PSME3IP1: variants seen among roughly 807,000 people sequenced by gnomAD.
PSME3IP1 encodes the protein PSME3-interacting protein.
PSME3IP1 carries 13 observed loss-of-function variants against 34.1 expected under a neutral mutation model. The ratio of observed to expected loss-of-function variants is 0.38; its 90% confidence interval spans 0.25 to 0.61. The LOEUF (loss-of-function observed/expected upper bound fraction) is 0.61. Ranked by LOEUF, PSME3IP1 falls within the 20% of genes least tolerant of loss-of-function variation. The pLI, the probability that PSME3IP1 is intolerant of heterozygous loss-of-function variation, is 0.60. For missense variants in PSME3IP1, 237 were observed against 301.4 expected (o/e 0.79, Z 1.58); for synonymous variants, 93 against 114.3 (o/e 0.81, Z 1.19).
chr16:57,166,691 T>C (rs1020257738), intron 5 of PSME3IP1, among the ~76,000 whole-genome samples: 2 of 152,198 alleles, frequency 1.3e-5, no homozygotes, highest in African/African-American at 4.8e-5. Flanking sequence ...GCCCAAATAA[T>C]GAACTCTAGC....
chr16:57,172,904 G>T, intron 2 of PSME3IP1, 30 bp from the exon 3 acceptor site: 1 of 1,325,276 alleles, frequency 7.5e-7, no homozygotes, highest in Non-Finnish European at 1.1e-6. Context: ...GGAGAGAGGT[G>T]GACGGGGAGG....
chr16:57,171,127 G>A (rs1214292594), intron 4 of PSME3IP1, among the ~76,000 whole-genome samples: 2 of 152,130 alleles, frequency 1.3e-5, no homozygotes, highest in Admixed American at 1.3e-4. Context: ...GCTTAGGGAA[G>A]GTTTCTAAAA....
intron 6 of PSME3IP1, among the ~76,000 whole-genome samples, chr16:57,162,482 T>C (rs1405814752): frequency 2.0e-5 from 3 of 151,678 alleles, no homozygotes; most frequent in South Asian, 2.1e-4. Flanking sequence ...CTGGCCAACA[T>C]GGCGAAATCC....
intron 1 of PSME3IP1, chr16:57,178,539 A>C: frequency 1.0e-6 from 1 of 985,344 alleles, no homozygotes; most frequent in Non-Finnish European, 1.2e-6. Flanking sequence ...GAATCTGAGC[A>C]GGGAGGAATG....
intron 6 of PSME3IP1, among the ~76,000 whole-genome samples, chr16:57,163,565 A>G (rs2071519849): frequency 6.6e-6 from 1 of 152,222 alleles, no homozygotes; most frequent in Non-Finnish European, 1.5e-5. Flanking sequence ...CCAAAGAAGT[A>G]TACTCCTTGA....
intron 6 of PSME3IP1, among the ~76,000 whole-genome samples, chr16:57,162,930 C>T (rs564747932): frequency 3.9e-5 from 6 of 152,088 alleles, no homozygotes; most frequent in African/African-American, 1.4e-4. Context: ...TTTGGGAGGC[C>T]GAGGCAGGCA....
intron 4 of PSME3IP1, 154 bp from the exon 5 acceptor site, chr16:57,167,380 G>T: frequency 1.1e-6 from 1 of 885,398 alleles, no homozygotes; most frequent in Non-Finnish European, 1.8e-6. Context: ...CCAATTCAAA[G>T]ATAAATGAAA....
At chr16:57,155,803 C>T (rs1261590516) in intron 6 of PSME3IP1, among the ~76,000 whole-genome samples, 3 of 151,552 alleles carry the variant, frequency 2.0e-5, no homozygotes, top group Non-Finnish European at 2.9e-5. Flanking sequence ...AAGACACTGC[C>T]TCAAAAAAAA....
chr16:57,177,634 G>A lies in PSME3IP1; in HGVS notation c.-15-3765C>T, dbSNP rs72778729. 4.0e-3 allele frequency among the ~76,000 whole-genome samples: 609 copies of A among 152,284 alleles called. 2 individuals carry two copies. The highest frequency in any genetic ancestry group is 6.2e-3 in the Non-Finnish European group (420 of 68,018). ...AATACAAGAAATGTATTTCTCATCA[G>A]CTCTCAGTGGGTTGGTGTCCTGAAA... On this transcript the variant is annotated intron_variant, in intron 1 of 6. Transcript: ENST00000309137.
intron 1 of PSME3IP1, among the ~76,000 whole-genome samples, chr16:57,177,192 A>G (rs1156352925): frequency 6.6e-6 from 1 of 152,056 alleles, no homozygotes; most frequent in East Asian, 1.9e-4. Flanking sequence ...ATCTTCCAAT[A>G]TGCCAAAAAC....
chr16:57,178,408 T>C (rs1252671745), intron 1 of PSME3IP1: 1 of 307,748 alleles, frequency 3.2e-6, no homozygotes, highest in African/African-American at 2.3e-5. Context: ...CTTTGTGTTT[T>C]ATCATCTGTG....
chr16:57,167,593 C>T (rs2072047219), intron 4 of PSME3IP1, among the ~76,000 whole-genome samples: 1 of 152,188 alleles, frequency 6.6e-6, no homozygotes, highest in South Asian at 2.1e-4. Flanking sequence ...TGAAAACATG[C>T]TTCCCCCTTC....
rs1237260718 is a variant in PSME3IP1, at chr16:57,165,814, G to A, written c.482+1279C>T. On this transcript the variant is annotated intron_variant, in intron 5 of 6. Coordinates refer to ENST00000309137, the MANE Select transcript of PSME3IP1 (RefSeq NM_024946.4). ...GGGTTATATGCAGGTCACCAAATAC[G>A]CTACTACAGAGCCTTTTCTAAAGGT... 3.9e-5 allele frequency among the ~76,000 whole-genome samples: 6 copies of A among 152,034 alleles called. 1 individual carries two copies. Among genetic ancestry groups the A allele is most frequent in the Admixed American group, 3.9e-4 (6 of 15,274 alleles).
At chr16:57,169,011 G>A (rs190436509) in intron 4 of PSME3IP1, among the ~76,000 whole-genome samples, 121 of 151,414 alleles carry the variant, frequency 8.0e-4, no homozygotes, top group South Asian at 1.5e-3. Context: ...TTTATACCAC[G>A]ACATAGACAA....
intron 1 of PSME3IP1, chr16:57,178,711 A>G (rs2145925032): frequency 2.0e-6 from 2 of 982,042 alleles, no homozygotes; most frequent in Non-Finnish European, 2.4e-6. Flanking sequence ...TCTCTTTACT[A>G]TATTATATAA....
chr16:57,176,667 C>T (rs572209417), intron 1 of PSME3IP1, among the ~76,000 whole-genome samples: 2 of 152,268 alleles, frequency 1.3e-5, no homozygotes, highest in African/African-American at 4.8e-5. Context: ...CATGTTCCTC[C>T]TAATTTGTTG....
rs966133051 is a variant in PSME3IP1, at chr16:57,181,376, T to G, written c.-16+4445A>C. ...CCGAAATAAAACTTGCCTGAGGATA[T>G]AGAGAAAAAAAAAACCCAAACCAAA... On this transcript the variant is annotated intron_variant, in intron 1 of 6. Coordinates refer to ENST00000309137, the MANE Select transcript of PSME3IP1 (RefSeq NM_024946.4). 2.6e-5 allele frequency among the ~76,000 whole-genome samples: 4 copies of G among 151,780 alleles called. No individual in the cohort carries two copies. The East Asian group carries it at 7.7e-4, about 29-fold the overall frequency.
chr16:57,161,265 C>T (rs2071192321), intron 6 of PSME3IP1, among the ~76,000 whole-genome samples: 1 of 152,130 alleles, frequency 6.6e-6, no homozygotes, highest in African/African-American at 2.4e-5. Context: ...AAAACTTACT[C>T]CAAAGCTATA....
At chr16:57,169,638 T>G (rs1238308710) in intron 4 of PSME3IP1, among the ~76,000 whole-genome samples, 1 of 152,224 alleles carries the variant, frequency 6.6e-6, no homozygotes, top group African/African-American at 2.4e-5. Flanking sequence ...GTTCATTCTT[T>G]CCTTTTAATT....
Sources: allele counts gnomAD v4.1 joint callset (sites outside exome capture counted in the v4.1 genomes callset), GRCh38; gene constraint gnomAD v4.1.1; transcripts MANE v1.5; gene names NCBI Gene and HGNC (gene_info 2026-07-23, HGNC 2026-07-21).